Variants in QTMAN observed in about 807,000 individuals in gnomAD.
QTMAN encodes tRNA-queuosine alpha-mannosyltransferase.
chr2:144,045,130 T>A, the QTMAN span, among the ~76,000 whole-genome samples: 1 of 152,228 alleles, frequency 6.6e-6, no homozygotes, highest in Non-Finnish European at 1.5e-5. Flanking sequence ...TAGAGAAATT[T>A]TAAAGACGAA....
At chr2:144,117,221 T>C in the QTMAN span, among the ~76,000 whole-genome samples, 1 of 152,204 alleles carries the variant, frequency 6.6e-6, no homozygotes, top group African/African-American at 2.4e-5. Context: ...ACGCTGACAG[T>C]AGATTAGCAT....
At chr2:144,251,004 ATAAGT>A in the QTMAN span, among the ~76,000 whole-genome samples, 1 of 152,248 alleles carries the variant, frequency 6.6e-6, no homozygotes, top group South Asian at 2.1e-4. Context: ...TTAAAATTTT[ATAAGT>A]TAAAACATTA....
the QTMAN span, among the ~76,000 whole-genome samples, chr2:144,204,702 A>G: frequency 1.3e-5 from 2 of 152,176 alleles, no homozygotes; most frequent in Non-Finnish European, 2.9e-5. Flanking sequence ...ACGTATGTTT[A>G]TTGTGGCACT....
chr2:144,088,294 C>T, the QTMAN span, among the ~76,000 whole-genome samples: 1 of 151,816 alleles, frequency 6.6e-6, no homozygotes, highest in African/African-American at 2.4e-5. Context: ...AGGATAACTA[C>T]AAAACACTGA....
the QTMAN span, among the ~76,000 whole-genome samples, chr2:144,032,935 G>C: frequency 6.6e-6 from 1 of 152,162 alleles, no homozygotes; most frequent in Non-Finnish European, 1.5e-5. Flanking sequence ...ATAGGGACTA[G>C]ATAGAATTTG....
chr2:144,074,958 G>T, the QTMAN span, among the ~76,000 whole-genome samples: 36 of 152,260 alleles, frequency 2.4e-4, no homozygotes, highest in African/African-American at 8.7e-4. Flanking sequence ...AGCTATTTTT[G>T]ACATATGCTA....
chr2:144,241,414 C>G, the QTMAN span, among the ~76,000 whole-genome samples: 1 of 152,138 alleles, frequency 6.6e-6, no homozygotes, highest in Admixed American at 6.5e-5. Context: ...ATTTCTTTAA[C>G]GTCGAATGTG....
the QTMAN span, among the ~76,000 whole-genome samples, chr2:144,114,816 G>A: frequency 1.3e-5 from 2 of 152,294 alleles, no homozygotes; most frequent in Admixed American, 6.5e-5. Context: ...GCAACTAGAA[G>A]ATAGGTTAAT....
the QTMAN span, among the ~76,000 whole-genome samples, chr2:144,143,246 A>G: frequency 6.6e-6 from 1 of 152,118 alleles, no homozygotes; most frequent in South Asian, 2.1e-4. Context: ...TCGTAAGTTG[A>G]GGAACATCTG....
At chr2:144,182,539 GAGGCTGAGGC>G in the QTMAN span, among the ~76,000 whole-genome samples, 3 of 149,704 alleles carry the variant, frequency 2.0e-5, no homozygotes, top group Non-Finnish European at 4.4e-5. Context: ...ACCTACTTGG[GAGGCTGAGGC>G]AGGAGAATCA....
chr2:144,104,964 T>C, the QTMAN span, among the ~76,000 whole-genome samples: 1 of 152,236 alleles, frequency 6.6e-6, no homozygotes, highest in African/African-American at 2.4e-5. Context: ...TTCGCTGCTC[T>C]GCAGCCTCCA....
the QTMAN span, among the ~76,000 whole-genome samples, chr2:144,130,229 A>G: frequency 6.6e-6 from 1 of 151,972 alleles, no homozygotes; most frequent in South Asian, 2.1e-4. Flanking sequence ...TAAACCTTAC[A>G]GAGGTAAGAA....
At chr2:144,099,637 C>A in the QTMAN span, among the ~76,000 whole-genome samples, 4 of 152,180 alleles carry the variant, frequency 2.6e-5, no homozygotes, top group Admixed American at 1.3e-4. Context: ...TTCATTAAAT[C>A]TTCCATGTAT....
At chr2:144,130,610 T>G in the QTMAN span, among the ~76,000 whole-genome samples, 1 of 151,948 alleles carries the variant, frequency 6.6e-6, no homozygotes, top group Non-Finnish European at 1.5e-5. Context: ...CAACAATCAT[T>G]TATTTAGTGC....
At chr2:144,042,411 A>C in the QTMAN span, among the ~76,000 whole-genome samples, 1 of 152,122 alleles carries the variant, frequency 6.6e-6, no homozygotes, top group Non-Finnish European at 1.5e-5. Context: ...AAACACAAAA[A>C]TGACAAAAGC....
chr2:144,304,332 G>T, the QTMAN span, among the ~76,000 whole-genome samples: 1 of 152,258 alleles, frequency 6.6e-6, no homozygotes, highest in South Asian at 2.1e-4. Flanking sequence ...GCCCCAAAAA[G>T]ATCAAGCTGA....
chr2:144,288,675 TTC>T, the QTMAN span, among the ~76,000 whole-genome samples: 1 of 152,270 alleles, frequency 6.6e-6, no homozygotes, highest in East Asian at 1.9e-4. Context: ...GCCTGCAAAC[TTC>T]TCTTTTTTGT....
the QTMAN span, among the ~76,000 whole-genome samples, chr2:144,053,958 C>A: frequency 6.6e-6 from 1 of 152,168 alleles, no homozygotes; most frequent in East Asian, 1.9e-4. Flanking sequence ...GAGGCCGAGG[C>A]AGGCAGATCA....
At chr2:144,047,030 G>C in the QTMAN span, among the ~76,000 whole-genome samples, 2 of 152,154 alleles carry the variant, frequency 1.3e-5, no homozygotes, top group East Asian at 3.9e-4. Flanking sequence ...CAGCACTTTG[G>C]GAGTCTGAGG....
Sources: allele counts gnomAD v4.1 joint callset (sites outside exome capture counted in the v4.1 genomes callset), GRCh38; gene constraint gnomAD v4.1.1; transcripts MANE v1.5; gene names NCBI Gene and HGNC (gene_info 2026-07-23, HGNC 2026-07-21).